Variants in NRXN1 observed in about 807,000 individuals in gnomAD.
NRXN1 encodes neurexin-1.
Under a neutral mutation model 150.9 loss-of-function variants are expected in NRXN1, and 39 were observed. The observed-to-expected ratio is 0.26, with a 90% CI of 0.20 to 0.34. NRXN1 has a LOEUF of 0.34. Ranked by LOEUF, NRXN1 falls within the 10% of genes least tolerant of loss-of-function variation. The pLI is 1.00. For synonymous variants in NRXN1, 924 were observed against 757.0 expected, an observed-to-expected ratio of 1.22 and a Z score of -3.62; for missense variants, 1,815 against 1,949.9, an observed-to-expected ratio of 0.93 and a Z score of 1.30.
intron 18 of NRXN1, among the ~76,000 whole-genome samples, chr2:50,232,651 C>T (rs957577275): frequency 5.3e-5 from 8 of 151,940 alleles, no homozygotes; most frequent in African/African-American, 1.9e-4. Context: ...TCCCAAAGTG[C>T]TAGGATTACA....
At chr2:50,905,338 C>T (rs1683516346) in intron 5 of NRXN1, among the ~76,000 whole-genome samples, 1 of 152,078 alleles carries the variant, frequency 6.6e-6, no homozygotes, top group Non-Finnish European at 1.5e-5. Flanking sequence ...GTTATAAATG[C>T]AGCTATTTAA....
chr2:50,495,850 G>T (rs1381531672), intron 15 of NRXN1, 55 bp downstream of exon 15: 34 of 1,460,236 alleles, frequency 2.3e-5, no homozygotes, highest in Non-Finnish European at 3.1e-5. Context: ...GATTTTCCAT[G>T]TGAAGGGAGA....
intron 17 of NRXN1, among the ~76,000 whole-genome samples, chr2:50,395,864 T>C (rs1384442131): frequency 1.3e-5 from 2 of 152,094 alleles, no homozygotes; most frequent in Non-Finnish European, 2.9e-5. Context: ...ATTTTTAGTG[T>C]AGAACTCACT....
chr2:50,075,198 C>T (rs148369107), intron 19 of NRXN1, among the ~76,000 whole-genome samples: 2 of 152,280 alleles, frequency 1.3e-5, no homozygotes, highest in East Asian at 3.9e-4. Context: ...CTATTATACA[C>T]CTTTCTTCAT....
At chr2:50,899,865 C>T (rs1007658814) in intron 5 of NRXN1, among the ~76,000 whole-genome samples, 1 of 152,128 alleles carries the variant, frequency 6.6e-6, no homozygotes, top group Non-Finnish European at 1.5e-5. Flanking sequence ...AAATCTTCCA[C>T]ATCAAACTAA....
intron 22 of NRXN1, among the ~76,000 whole-genome samples, chr2:49,933,304 T>C (rs1012647678): frequency 1.4e-4 from 21 of 152,068 alleles, no homozygotes; most frequent in African/African-American, 4.6e-4. Context: ...GCCAGGATGG[T>C]CTCGATCTCC....
chr2:50,878,871 C>T (rs1679010500), intron 5 of NRXN1, among the ~76,000 whole-genome samples: 1 of 151,920 alleles, frequency 6.6e-6, no homozygotes, highest in Non-Finnish European at 1.5e-5. Context: ...TTCTCATGTA[C>T]AAACAAGCAC....
At chr2:50,255,139 AAAAC>A (rs1023548520) in intron 17 of NRXN1, among the ~76,000 whole-genome samples, 27 of 151,930 alleles carry the variant, frequency 1.8e-4, no homozygotes, top group African/African-American at 6.3e-4. Flanking sequence ...ACGGTTATAA[AAAAC>A]AAACAAACAA....
intron 2 of NRXN1, among the ~76,000 whole-genome samples, chr2:50,941,517 G>A (rs1333861426): frequency 2.0e-5 from 3 of 152,152 alleles, no homozygotes; most frequent in Non-Finnish European, 2.9e-5. Flanking sequence ...TGAAGATGAA[G>A]AACCTCTTGG....
chr2:50,989,031 A>T (rs1698143622), intron 2 of NRXN1, among the ~76,000 whole-genome samples: 1 of 151,874 alleles, frequency 6.6e-6, no homozygotes, highest in Non-Finnish European at 1.5e-5. Flanking sequence ...TTTAAAAAAA[A>T]TCCAGGAACT....
intron 10 of NRXN1, among the ~76,000 whole-genome samples, chr2:50,537,972 A>G (rs1479334427): frequency 3.3e-5 from 5 of 152,310 alleles, no homozygotes; most frequent in African/African-American, 1.2e-4. Context: ...GACAGCAGTT[A>G]CTGTCTATAA....
At chr2:50,947,349 A>G in intron 2 of NRXN1, among the ~76,000 whole-genome samples, 1 of 152,150 alleles carries the variant, frequency 6.6e-6, no homozygotes, top group South Asian at 2.1e-4. Flanking sequence ...CTGTAGTTCA[A>G]ATATACAAAT....
chr2:49,998,937 A>G (rs1436168061), intron 21 of NRXN1, among the ~76,000 whole-genome samples: 3 of 152,130 alleles, frequency 2.0e-5, no homozygotes, highest in Non-Finnish European at 4.4e-5. Flanking sequence ...TCCTAGCCAA[A>G]CAAAGCAAGA....
At chr2:50,716,059 T>C (rs547673449) in intron 5 of NRXN1, among the ~76,000 whole-genome samples, 5 of 152,302 alleles carry the variant, frequency 3.3e-5, no homozygotes, top group Non-Finnish European at 7.4e-5. Flanking sequence ...TAAGCAGTAG[T>C]AAATGTGTGT....
intron 18 of NRXN1, among the ~76,000 whole-genome samples, chr2:50,169,489 C>A (rs1452869770): frequency 6.6e-6 from 1 of 151,790 alleles, no homozygotes; most frequent in Non-Finnish European, 1.5e-5. Context: ...CCAAGGAGGG[C>A]GGATTACGAG....
At chr2:50,759,058 CT>C (rs1383257038) in intron 5 of NRXN1, among the ~76,000 whole-genome samples, 1 of 151,902 alleles carries the variant, frequency 6.6e-6, no homozygotes, top group Admixed American at 6.6e-5. Flanking sequence ...ATAATTGACT[CT>C]TTGCAAATGC....
At chr2:50,565,206 G>C (rs1669664160) in intron 8 of NRXN1, among the ~76,000 whole-genome samples, 1 of 151,992 alleles carries the variant, frequency 6.6e-6, no homozygotes, top group Non-Finnish European at 1.5e-5. Flanking sequence ...AGCAGGAATG[G>C]GACCTTCTTG....
chr2:50,692,576 A>G (rs1293632068), intron 5 of NRXN1, among the ~76,000 whole-genome samples: 1 of 152,200 alleles, frequency 6.6e-6, no homozygotes, highest in African/African-American at 2.4e-5. Flanking sequence ...GAGAATCAAA[A>G]TCAATCATCT....
At chr2:50,724,772 G>A (rs183655607) in intron 5 of NRXN1, among the ~76,000 whole-genome samples, 1 of 152,086 alleles carries the variant, frequency 6.6e-6, no homozygotes, top group Non-Finnish European at 1.5e-5. Flanking sequence ...GTGTGTGTGT[G>A]ATGAGGTATT....
Sources: gnomAD v4.1 joint callset for allele counts (sites outside exome capture counted in the v4.1 genomes callset) on GRCh38, gnomAD v4.1.1 for gene constraint, MANE v1.5 for transcripts, NCBI Gene and HGNC (gene_info 2026-07-23, HGNC 2026-07-21) for gene names.